KIF18A: variants seen among roughly 807,000 people sequenced by gnomAD.
KIF18A encodes kinesin-like protein KIF18A.
In KIF18A, 67 loss-of-function variants were observed where a neutral mutation model predicts 103.3. The ratio of observed to expected loss-of-function variants is 0.65; its 90% CI spans 0.53 to 0.79. KIF18A has a LOEUF of 0.79. Ranked by LOEUF, KIF18A falls within the 30% of genes least tolerant of loss-of-function variation. KIF18A has a pLI of 0.00. For missense variants in KIF18A, 1,032 were observed against 1,062.5 expected (o/e 0.97, Z 0.40); for synonymous variants, 367 against 355.5 (o/e 1.03, Z -0.36).
intron 13 of KIF18A, among the ~76,000 whole-genome samples, chr11:28,049,791 T>C (rs921732922): frequency 1.1e-4 from 16 of 152,032 alleles, no homozygotes; most frequent in Admixed American, 9.2e-4. Flanking sequence ...GTACTCATCA[T>C]AAATCTGGAT....
At position 28,094,703 on chromosome 11, in the gene KIF18A, G is replaced by A. The variant is rs762911459; in HGVS notation, c.423C>T (p.Tyr141=). The A allele has an allele frequency of 4.3e-6, 7 of 1,612,336 alleles. No individual in the cohort carries two copies. In the East Asian group the frequency reaches 6.7e-5, roughly 15 times the overall value. ...CTTCTTTAATCTCATCCATGCATTT[G>A]TAAAGGTGTAACATTGTTAGATACA... The part of the protein sequence containing the change: ...GVMYLTMLHL[Y]KCMDEIKEEK... Residue 141 remains tyrosine, a synonymous_variant, in exon 3 of 17, where the codon TAC becomes TAT. Coordinates refer to ENST00000263181, the MANE Select transcript of KIF18A (RefSeq NM_031217.4).
chr11:28,042,226 G>C (rs899323901), intron 13 of KIF18A, among the ~76,000 whole-genome samples: 2 of 151,804 alleles, frequency 1.3e-5, no homozygotes, highest in Non-Finnish European at 2.9e-5. Flanking sequence ...GTAGCAGATA[G>C]AGACAGTATT....
At chr11:28,046,554 G>C (rs1320420668) in intron 13 of KIF18A, among the ~76,000 whole-genome samples, 1 of 133,426 alleles carries the variant, frequency 7.5e-6, no homozygotes, top group Non-Finnish European at 1.6e-5. Flanking sequence ...TGTGGGGTAG[G>C]GGGAGGGGGG....
At chr11:28,030,618 T>C (rs1182285666) in intron 15 of KIF18A, among the ~76,000 whole-genome samples, 2 of 152,116 alleles carry the variant, frequency 1.3e-5, no homozygotes, top group East Asian at 1.9e-4. Context: ...GACATAGGCA[T>C]GGGTAAGGAC....
intron 15 of KIF18A, among the ~76,000 whole-genome samples, chr11:28,032,649 A>C (rs1293045381): frequency 6.6e-6 from 1 of 151,982 alleles, no homozygotes; most frequent in Non-Finnish European, 1.5e-5. Flanking sequence ...ACAGTGCTGG[A>C]AAACTGTTTA....
chr11:28,087,704 A>G (rs1342799443), intron 6 of KIF18A, among the ~76,000 whole-genome samples: 1 of 152,166 alleles, frequency 6.6e-6, no homozygotes, highest in Non-Finnish European at 1.5e-5. Context: ...ACTCCCACCA[A>G]CAGTGTAAAA....
intron 15 of KIF18A, among the ~76,000 whole-genome samples, chr11:28,033,769 A>T (rs1850442890): frequency 6.6e-6 from 1 of 151,634 alleles, no homozygotes; most frequent in Admixed American, 6.6e-5. Context: ...ATCTAAATAT[A>T]ACGAATAAGA....
At chr11:28,098,199 C>T (rs1324737951) in intron 1 of KIF18A, among the ~76,000 whole-genome samples, 3 of 151,846 alleles carry the variant, frequency 2.0e-5, no homozygotes, top group Non-Finnish European at 4.4e-5. Context: ...CACTTAAGTA[C>T]CCTAAAACAA....
At chr11:28,097,383 T>A (rs1184482399) in intron 2 of KIF18A, 4 of 443,696 alleles carry the variant, frequency 9.0e-6, no homozygotes, top group African/African-American at 8.1e-5. Flanking sequence ...AAAGGACAGA[T>A]GTCTATAGGG....
At chr11:28,091,225 T>A (rs1167441983) in intron 4 of KIF18A, among the ~76,000 whole-genome samples, 184 bp downstream of exon 4, 1 of 152,138 alleles carries the variant, frequency 6.6e-6, no homozygotes, top group Non-Finnish European at 1.5e-5. Context: ...AAAATGTTTT[T>A]AAAAAGTTCA....
chr11:28,069,088 C>A (rs1850975363), intron 11 of KIF18A, among the ~76,000 whole-genome samples, 171 bp downstream of exon 11: 1 of 151,976 alleles, frequency 6.6e-6, no homozygotes, highest in South Asian at 2.1e-4. Flanking sequence ...TAAAAGCTAC[C>A]TTATAAAAGG....
chr11:28,022,421 T>C (rs544588898), intron 16 of KIF18A, among the ~76,000 whole-genome samples: 23 of 152,124 alleles, frequency 1.5e-4, no homozygotes, highest in African/African-American at 5.3e-4. Context: ...CCTGCCACCA[T>C]GCCCGGCTAA....
chr11:28,059,020 G>A lies in KIF18A; in HGVS notation c.1854C>T (p.Asp618=), dbSNP rs1447580726. ...VERKKVVVWA[D]QTAEQPKQND... is the part of the protein sequence containing the mutation. Reference sequence around the variant, plus strand: ...TTTGCTTTGGTTGTTCGGCAGTTTGGTCAGCCCAAACTACCACTTTTTTCC... The same window carrying A: ...TTTGCTTTGGTTGTTCGGCAGTTTGATCAGCCCAAACTACCACTTTTTTCC... The change falls in exon 13 of 17, where the codon GAC becomes GAT. Residue 618 remains aspartate, a synonymous_variant. Coordinates refer to ENST00000263181, the MANE Select transcript of KIF18A (RefSeq NM_031217.4). 2 of 1,614,032 alleles carry A rather than the reference G, an allele frequency of 1.2e-6. No homozygotes were observed. The highest frequency in any genetic ancestry group is 1.7e-6 in the Non-Finnish European group (2 of 1,179,964).
intron 1 of KIF18A, among the ~76,000 whole-genome samples, chr11:28,107,811 C>G (rs1303153759): frequency 6.6e-6 from 1 of 152,184 alleles, no homozygotes; most frequent in East Asian, 1.9e-4. Flanking sequence ...TTAAGACTTC[C>G]TCTCAGGACT....
chr11:28,091,149 AATACATAC>A (rs370389493), intron 4 of KIF18A, among the ~76,000 whole-genome samples: 5 of 131,902 alleles, frequency 3.8e-5, no homozygotes, highest in African/African-American at 1.5e-4. Context: ...TAAATAAATA[AATACATAC>A]ATACATACAT....
intron 15 of KIF18A, among the ~76,000 whole-genome samples, chr11:28,030,831 A>C (rs1165503948): frequency 1.3e-5 from 2 of 150,212 alleles, no homozygotes; most frequent in African/African-American, 4.9e-5. Flanking sequence ...AAACAAATTT[A>C]CAAGAAAAAA....
intron 1 of KIF18A, among the ~76,000 whole-genome samples, chr11:28,100,212 T>C (rs935940273): frequency 1.3e-5 from 2 of 151,988 alleles, no homozygotes; most frequent in African/African-American, 4.8e-5. Context: ...AGTTCAGTTT[T>C]GGATAGCTTA....
intron 13 of KIF18A, among the ~76,000 whole-genome samples, chr11:28,040,490 C>T (rs558009763): frequency 2.6e-5 from 4 of 151,784 alleles, no homozygotes; most frequent in African/African-American, 9.6e-5. Context: ...GATTATAATT[C>T]CTTCAGAAAG....
intron 6 of KIF18A, 31 bp downstream of exon 6, chr11:28,088,493 A>T: frequency 1.9e-6 from 3 of 1,549,268 alleles, no homozygotes; most frequent in Non-Finnish European, 2.7e-6. Context: ...AATATTTCAA[A>T]CTATTTAACA....
Sources: gnomAD v4.1 joint callset for allele counts (sites outside exome capture counted in the v4.1 genomes callset) on GRCh38, gnomAD v4.1.1 for gene constraint, MANE v1.5 for transcripts, NCBI Gene and HGNC (gene_info 2026-07-23, HGNC 2026-07-21) for gene names.